Variants in COL15A1 observed in about 807,000 individuals in gnomAD.
The protein encoded by COL15A1 is collagen type XV alpha 1 chain.
A neutral mutation model predicts 165.9 loss-of-function variants in COL15A1; 111 were observed. The ratio of observed to expected loss-of-function variants is 0.67; its 90% CI spans 0.57 to 0.78. The LOEUF is 0.78. Ranked by LOEUF, COL15A1 falls within the 30% of genes least tolerant of loss-of-function variation. COL15A1 has a pLI of 0.00. For synonymous variants in COL15A1, 659 were observed against 674.8 expected, an observed-to-expected ratio of 0.98 and a Z score of 0.36; for missense variants, 1,745 against 1,789.7, an observed-to-expected ratio of 0.98 and a Z score of 0.45.
chr9:99,016,834 A>G (rs1360101426), intron 11 of COL15A1, among the ~76,000 whole-genome samples: 2 of 152,222 alleles, frequency 1.3e-5, no homozygotes, highest in African/African-American at 4.8e-5. Context: ...CCACTTGGTC[A>G]TGCACACTTT....
chr9:99,061,844 AT>A (rs961755169), intron 36 of COL15A1, 126 bp from the exon 37 acceptor site: 1 of 995,780 alleles, frequency 1.0e-6, no homozygotes, highest in African/African-American at 1.6e-5. Flanking sequence ...TATCTGGCAC[AT>A]TAACAAGCCT....
At chr9:98,997,157 G>A (rs1838563276) in intron 6 of COL15A1, 76 bp downstream of exon 6, 2 of 1,544,468 alleles carry the variant, frequency 1.3e-6, no homozygotes, top group Non-Finnish European at 1.8e-6. Flanking sequence ...GGCCATGTAT[G>A]TAACATACAG....
intron 5 of COL15A1, 90 bp downstream of exon 5, chr9:98,989,348 C>CCTG: frequency 9.6e-7 from 1 of 1,036,402 alleles, no homozygotes; most frequent in African/African-American, 1.6e-5. Flanking sequence ...TGGGTCTGAC[C>CCTG]TCTTTGTTTC....
intron 4 of COL15A1, among the ~76,000 whole-genome samples, chr9:98,988,816 G>A (rs898148934): frequency 3.9e-5 from 6 of 151,950 alleles, no homozygotes; most frequent in African/African-American, 7.3e-5. Context: ...CCAGCTACTC[G>A]TGAGGCTGCG....
chr9:98,989,338 T>G, intron 5 of COL15A1, 80 bp downstream of exon 5: 1 of 1,163,000 alleles, frequency 8.6e-7, no homozygotes, highest in East Asian at 2.4e-5. Flanking sequence ...CCCAGAGTCC[T>G]GGGTCTGACC....
At chr9:98,990,671 C>T (rs1838404072) in intron 5 of COL15A1, among the ~76,000 whole-genome samples, 1 of 152,190 alleles carries the variant, frequency 6.6e-6, no homozygotes, top group South Asian at 2.1e-4. Context: ...CTGAGATGAT[C>T]ACAGGGGACA....
At chr9:99,043,562 T>A (rs559563484) in intron 24 of COL15A1, among the ~76,000 whole-genome samples, 2 of 152,294 alleles carry the variant, frequency 1.3e-5, no homozygotes, top group Non-Finnish European at 2.9e-5. Context: ...AATGCTTTTG[T>A]GCTTGCTTCT....
intron 13 of COL15A1, among the ~76,000 whole-genome samples, chr9:99,023,084 G>A (rs1839055058): frequency 1.3e-5 from 2 of 152,166 alleles, no homozygotes; most frequent in South Asian, 4.1e-4. Flanking sequence ...TGTAGGAGGA[G>A]ACTGCGGAAC....
Position 99,048,746 on chromosome 9 carries a change from T to C in COL15A1, c.2793+746T>C, listed in dbSNP as rs376392254. The stretch of plus-strand genomic sequence containing the variant: ...TGTGATGTTTCCCTTCCTGTGTCCA[T>C]GTGTTTTAAGGAGAGTTTCTCATTT... On this transcript the variant is annotated intron_variant, in intron 28 of 41. Transcript: ENST00000375001. 1.8e-3 allele frequency among the ~76,000 whole-genome samples: 234 copies of C among 132,466 alleles called. 8 individuals are homozygous for C. In the South Asian group the frequency reaches 0.055, roughly 31 times the overall value. 86.9% of individuals were successfully genotyped at this position (132,466 alleles called of 152,430 possible). A position where few individuals can be genotyped will look rare whatever the true frequency, so the allele number is the denominator to read the frequency against.
chr9:98,960,720 A>G (rs919941678), intron 2 of COL15A1, among the ~76,000 whole-genome samples: 13 of 152,220 alleles, frequency 8.5e-5, no homozygotes, highest in African/African-American at 2.7e-4. Context: ...TGAGGAAACT[A>G]TAAACGAAAT....
chr9:98,996,236 C>T (rs1050683445), intron 5 of COL15A1, among the ~76,000 whole-genome samples: 4 of 152,184 alleles, frequency 2.6e-5, no homozygotes, highest in African/African-American at 9.7e-5. Flanking sequence ...TCCATGCACC[C>T]CCAGCCCCTT....
chr9:98,944,340 C>T (rs1364736480), intron 2 of COL15A1, 90 bp downstream of exon 2: 2 of 1,278,500 alleles, frequency 1.6e-6, no homozygotes, highest in African/African-American at 2.9e-5. Flanking sequence ...CGATGCGTGC[C>T]TCATTCCTGG....
chr9:99,070,309 G>C lies in COL15A1; in HGVS notation c.*423G>C. 1 of 238,996 alleles carries C rather than the reference G, an allele frequency of 4.2e-6. No individual in the cohort carries two copies. Among genetic ancestry groups the C allele is most frequent in the Non-Finnish European group, 8.4e-6 (1 of 119,002 alleles). The allele number at this position is 238,996 out of a possible 1,614,324, so 14.8% of individuals were successfully genotyped here. On this transcript the variant is annotated 3_prime_UTR_variant, in exon 42 of 42. Coordinates refer to ENST00000375001, the MANE Select transcript of COL15A1 (RefSeq NM_001855.5). ...TGTTACCCTTTCTAAGTTATATACAGATCAAATGCTTTTTTCTTTCACGTA... is the reference window on the plus strand; with the variant it reads ...TGTTACCCTTTCTAAGTTATATACACATCAAATGCTTTTTTCTTTCACGTA...
At chr9:99,030,729 C>T (rs924107734) in intron 16 of COL15A1, among the ~76,000 whole-genome samples, 1 of 152,210 alleles carries the variant, frequency 6.6e-6, no homozygotes, top group South Asian at 2.1e-4. Context: ...ACAAGATCAG[C>T]CGGCCATGCA....
At chr9:99,027,752 C>G (rs1839150116) in intron 16 of COL15A1, among the ~76,000 whole-genome samples, 1 of 152,198 alleles carries the variant, frequency 6.6e-6, no homozygotes, top group Non-Finnish European at 1.5e-5. Flanking sequence ...ATTTGTTGCA[C>G]TGTGCACATA....
intron 16 of COL15A1, among the ~76,000 whole-genome samples, chr9:99,032,922 G>C (rs1839231506): frequency 6.6e-6 from 1 of 152,046 alleles, no homozygotes; most frequent in Non-Finnish European, 1.5e-5. Context: ...GCTTGTCTTT[G>C]TGTCATGGCT....
intron 36 of COL15A1, among the ~76,000 whole-genome samples, chr9:99,061,646 C>T (rs1825817176): frequency 6.6e-6 from 1 of 152,200 alleles, no homozygotes; most frequent in Admixed American, 6.5e-5. Context: ...CTTACCAGTG[C>T]TTTTGCTAAT....
chr9:99,070,396 G>C lies in COL15A1; in HGVS notation c.*510G>C. Reference sequence around the variant, plus strand: ...CAGGACTGCTCAAATGATCCTATTTGTATTTTCTGATGCTATCAGACTCTA... The same window carrying C: ...CAGGACTGCTCAAATGATCCTATTTCTATTTTCTGATGCTATCAGACTCTA... On this transcript the variant is annotated 3_prime_UTR_variant, in exon 42 of 42. Coordinates refer to ENST00000375001, the MANE Select transcript of COL15A1 (RefSeq NM_001855.5). 1 of 276,494 alleles carries C rather than the reference G, an allele frequency of 3.6e-6. No individual in the cohort carries two copies. The highest frequency in any genetic ancestry group is 7.2e-6 in the Non-Finnish European group (1 of 139,460). 17.1% of individuals were successfully genotyped at this position (276,494 alleles called of 1,614,324 possible).
At chr9:98,946,616 C>T (rs959780559) in intron 2 of COL15A1, among the ~76,000 whole-genome samples, 3 of 152,220 alleles carry the variant, frequency 2.0e-5, no homozygotes, top group Admixed American at 1.3e-4. Flanking sequence ...AGCCCTCTCA[C>T]GTCTGTGAAC....
Sources: allele counts gnomAD v4.1 joint callset (sites outside exome capture counted in the v4.1 genomes callset), GRCh38; gene constraint gnomAD v4.1.1; transcripts MANE v1.5; gene names NCBI Gene and HGNC (gene_info 2026-07-23, HGNC 2026-07-21).